The following NUB1 variants were observed in gnomAD, a reference collection of about 807,000 sequenced individuals.
NUB1 encodes the protein negative regulator of ubiquitin like proteins 1.
In NUB1, 41 loss-of-function variants were observed where a neutral mutation model predicts 77.1. The observed-to-expected ratio is 0.53, with a 90% confidence interval of 0.41 to 0.69. The LOEUF is 0.69. Ranked by LOEUF, NUB1 falls within the 30% of genes least tolerant of loss-of-function variation. NUB1 has a pLI of 0.00. For missense variants in NUB1, 643 were observed against 743.8 expected (o/e 0.86, Z 1.58); for synonymous variants, 257 against 281.0 (o/e 0.91, Z 0.85).
At chr7:151,350,775 A>G (rs922463520) in intron 3 of NUB1, among the ~76,000 whole-genome samples, 21 of 152,134 alleles carry the variant, frequency 1.4e-4, no homozygotes, top group African/African-American at 4.1e-4. Flanking sequence ...GCCCACATAT[A>G]TATTAATATG....
At chr7:151,359,247 G>A (rs1797243704) in intron 7 of NUB1, among the ~76,000 whole-genome samples, 1 of 146,630 alleles carries the variant, frequency 6.8e-6, no homozygotes, top group Middle Eastern at 3.9e-3. Context: ...GACCATCCTG[G>A]CTAACACGGT....
At chr7:151,342,783 C>G (rs1481562842) in intron 1 of NUB1, among the ~76,000 whole-genome samples, 1 of 152,086 alleles carries the variant, frequency 6.6e-6, no homozygotes, top group Non-Finnish European at 1.5e-5. Flanking sequence ...GTTTGTAACA[C>G]TCCTTCGTCC....
chr7:151,377,267 T>TATCA lies in NUB1; in HGVS notation c.*43_*46dup, dbSNP rs776187012. The TATCA allele has an allele frequency of 7.5e-7, 1 of 1,340,762 alleles. No homozygotes were observed. The highest frequency in any genetic ancestry group is 2.5e-5 in the East Asian group (1 of 39,520). 83.1% of individuals were successfully genotyped at this position (1,340,762 alleles called of 1,614,324 possible). ...GCGCTAATTTTCTGCTTATAAATGC[T>TATCA]ATCATTATGAAAAGGCTAATGCAGC... On this transcript the variant is annotated 3_prime_UTR_variant, in exon 15 of 15. Transcript: ENST00000568733.
intron 8 of NUB1, 99 bp downstream of exon 8, chr7:151,360,346 A>T: frequency 3.3e-6 from 2 of 614,104 alleles, no homozygotes. Flanking sequence ...ACTTTCATCT[A>T]CAACAGTGGT....
At chr7:151,376,994 T>G (rs1798324192) in intron 14 of NUB1, 53 bp from the exon 15 acceptor site, 2 of 1,460,016 alleles carry the variant, frequency 1.4e-6, no homozygotes, top group African/African-American at 2.8e-5. Context: ...TCGTGCAGTG[T>G]CCCCAGGACA....
rs769774850 is a variant in NUB1, at chr7:151,355,851, A to G, written c.499A>G (p.Lys167Glu). The stretch of plus-strand genomic sequence containing the variant: ...AAAACAATCTGAAGAGGACGCGAGG[A>G]AAAACTTCCAGTTAGAGGAAGAGGA... ...ELKQSEEDAR[K>E]NFQLEEEEQN... Residue 167 changes from lysine (K) to glutamate (E), a missense_variant, in exon 6 of 15, where the codon AAA becomes GAA. Physicochemically the swap from Lys to Glu is moderately conservative, Grantham distance 56 (BLOSUM62 1). Coordinates refer to ENST00000568733, the MANE Select transcript of NUB1 (RefSeq NM_001243351.2). 3 of 1,613,276 alleles carry G rather than the reference A, an allele frequency of 1.9e-6. No homozygotes were observed. In the African/African-American group the frequency reaches 4.0e-5, roughly 22 times the overall value.
chr7:151,349,809 T>C (rs184450733), intron 3 of NUB1, among the ~76,000 whole-genome samples: 27 of 152,318 alleles, frequency 1.8e-4, no homozygotes, highest in Admixed American at 5.2e-4. Context: ...GTGGTTTTTC[T>C]CCTCATGTGC....
At chr7:151,345,816 C>G (rs1166916152) in intron 2 of NUB1, among the ~76,000 whole-genome samples, 1 of 152,168 alleles carries the variant, frequency 6.6e-6, no homozygotes, top group Non-Finnish European at 1.5e-5. Context: ...CATTCTCGGT[C>G]CTCCTTGCTA....
intron 1 of NUB1, among the ~76,000 whole-genome samples, chr7:151,344,478 T>C (rs958262004): frequency 2.7e-5 from 4 of 150,398 alleles, no homozygotes; most frequent in Admixed American, 2.6e-4. Flanking sequence ...GCCCGGCTAA[T>C]TGTTCATATA....
At chr7:151,362,240 G>GT (rs1041761026) in intron 8 of NUB1, among the ~76,000 whole-genome samples, 50 of 149,922 alleles carry the variant, frequency 3.3e-4, no homozygotes, top group South Asian at 2.7e-3. Flanking sequence ...AGTAGAGAAA[G>GT]TTTTTTTTTT....
At chr7:151,356,994 G>C (rs933604550) in intron 7 of NUB1, among the ~76,000 whole-genome samples, 1 of 152,082 alleles carries the variant, frequency 6.6e-6, no homozygotes, top group Non-Finnish European at 1.5e-5. Context: ...TGGGATTACA[G>C]GCGTGAGCCA....
chr7:151,350,379 C>G (rs1486719841), intron 3 of NUB1, among the ~76,000 whole-genome samples: 1 of 152,054 alleles, frequency 6.6e-6, no homozygotes, highest in Non-Finnish European at 1.5e-5. Context: ...CAGGTGCCTT[C>G]CCAGGCACTG....
chr7:151,374,403 A>T, intron 12 of NUB1, 160 bp downstream of exon 12: 1 of 922,704 alleles, frequency 1.1e-6, no homozygotes, highest in South Asian at 1.4e-5. Context: ...GCCCAGACAC[A>T]GGCTGCGTGA....
intron 1 of NUB1, 83 bp downstream of exon 1, chr7:151,341,929 C>G: frequency 7.2e-7 from 1 of 1,392,662 alleles, no homozygotes; most frequent in Non-Finnish European, 9.3e-7. Flanking sequence ...GACTGGGCAC[C>G]TCTCCTGGCC....
rs749901667 is a variant in NUB1, at chr7:151,375,973, T to C, written c.1491+30T>C. ...GTGACAGGCCTTTGTGCCCTCAGCT[T>C]GGACAGCCTCGGGTGGGGTTGCTTG... is the stretch of plus-strand genomic sequence containing the variant. On this transcript the variant is annotated intron_variant, in intron 13 of 14. Transcript: ENST00000568733. The C allele has an allele frequency of 1.5e-4, 214 of 1,465,166 alleles. 2 individuals are homozygous for C. In the East Asian group the frequency reaches 4.9e-3, roughly 33 times the overall value. The allele number at this position is 1,465,166 out of a possible 1,614,324, so 90.8% of individuals were successfully genotyped here.
chr7:151,352,213 G>C (rs575848776), intron 4 of NUB1: 1 of 455,778 alleles, frequency 2.2e-6, no homozygotes, highest in Admixed American at 2.4e-5. Context: ...GATTTTCTCC[G>C]GATGTGCAAC....
intron 11 of NUB1, among the ~76,000 whole-genome samples, chr7:151,369,870 G>C (rs1797877763): frequency 6.6e-6 from 1 of 152,120 alleles, no homozygotes; most frequent in African/African-American, 2.4e-5. Context: ...CAGCCTCAGG[G>C]GTATTTGGAT....
chr7:151,365,368 T>C (rs1341930188), intron 8 of NUB1, among the ~76,000 whole-genome samples: 1 of 151,858 alleles, frequency 6.6e-6, no homozygotes, highest in African/African-American at 2.4e-5. Context: ...TGGGTCAAAC[T>C]TGAGATAAGT....
At chr7:151,354,999 C>T (rs1217729741) in intron 5 of NUB1, among the ~76,000 whole-genome samples, 1 of 152,326 alleles carries the variant, frequency 6.6e-6, no homozygotes, top group Admixed American at 6.5e-5. Context: ...CTGCCTCAGC[C>T]TGCCAAAGTA....
Sources: allele counts gnomAD v4.1 joint callset (sites outside exome capture counted in the v4.1 genomes callset), GRCh38; gene constraint gnomAD v4.1.1; transcripts MANE v1.5; gene names NCBI Gene and HGNC (gene_info 2026-07-23, HGNC 2026-07-21).